Variants in TRIOBP observed in about 807,000 individuals in gnomAD.
TRIOBP encodes the protein TRIO and F-actin binding protein, also known as TRIO and F-actin-binding protein.
In TRIOBP, 169 loss-of-function variants were observed where a neutral mutation model predicts 238.8. That is an observed-to-expected ratio of 0.71 (90% confidence interval 0.62 to 0.80). The LOEUF is 0.80. Ranked by LOEUF, TRIOBP falls within the 30% of genes least tolerant of loss-of-function variation. TRIOBP has a pLI of 0.00. For synonymous variants in TRIOBP, 1,150 were observed against 1,274.4 expected, an observed-to-expected ratio of 0.90 and a Z score of 2.08; for missense variants, 2,838 against 3,122.6, an observed-to-expected ratio of 0.91 and a Z score of 2.17.
chr22:37,711,390 C>T (rs1466208581), intron 4 of TRIOBP, among the ~76,000 whole-genome samples: 6 of 151,894 alleles, frequency 4.0e-5, no homozygotes, highest in African/African-American at 1.5e-4. Flanking sequence ...ACCAGCCTGA[C>T]CAACATGGCG....
At chr22:37,747,369 TC>T (rs1190479549) in intron 11 of TRIOBP, among the ~76,000 whole-genome samples, 1 of 151,954 alleles carries the variant, frequency 6.6e-6, no homozygotes, top group African/African-American at 2.4e-5. Flanking sequence ...CCAGTGGCCC[TC>T]CTGGGGGAGG....
chr22:37,759,048 G>C, intron 16 of TRIOBP, 106 bp from the exon 17 acceptor site: 2 of 938,550 alleles, frequency 2.1e-6, no homozygotes, highest in East Asian at 2.6e-5. Context: ...TTCCAGGGAC[G>C]CTGGGCTTGT....
At chr22:37,763,941 C>G (rs1285174621) in intron 17 of TRIOBP, among the ~76,000 whole-genome samples, 1 of 152,270 alleles carries the variant, frequency 6.6e-6, no homozygotes, top group African/African-American at 2.4e-5. Flanking sequence ...CCGTCCGCGT[C>G]CCTTGGCTCT....
chr22:37,717,515 C>T (rs867631286), intron 6 of TRIOBP, among the ~76,000 whole-genome samples: 4 of 152,160 alleles, frequency 2.6e-5, no homozygotes, highest in Admixed American at 1.3e-4. Context: ...AATCCCTGAG[C>T]TTGACACAAA....
At chr22:37,757,538 G>T in intron 15 of TRIOBP, 75 bp from the exon 16 acceptor site, 1 of 1,529,580 alleles carries the variant, frequency 6.5e-7, no homozygotes, top group South Asian at 1.2e-5. Flanking sequence ...TGGCACACAG[G>T]TGTCGCTCCA....
At chr22:37,756,748 TG>T (rs1218687564) in intron 15 of TRIOBP, among the ~76,000 whole-genome samples, 1 of 152,204 alleles carries the variant, frequency 6.6e-6, no homozygotes, top group African/African-American at 2.4e-5. Context: ...GTGGGAATAC[TG>T]CGAGTGTAGT....
chr22:37,710,125 G>A (rs990997164), intron 3 of TRIOBP, among the ~76,000 whole-genome samples: 4 of 152,246 alleles, frequency 2.6e-5, no homozygotes, highest in South Asian at 4.1e-4. Context: ...ACACGCATGC[G>A]CAAGAGCTCG....
chr22:37,701,850 G>A (rs1362429315), intron 3 of TRIOBP, among the ~76,000 whole-genome samples: 1 of 152,206 alleles, frequency 6.6e-6, no homozygotes, highest in Non-Finnish European at 1.5e-5. Flanking sequence ...GGTAGAGGCT[G>A]GGCACGGTGG....
rs145772004 is a variant in TRIOBP, at chr22:37,706,161, A to C, written c.115-4266A>C. ...CTCCTGTAATTTCTTCAGGCAGGGT[A>C]CTTGGGTTGGGAGGTCTGTTTGGAG... On this transcript the variant is annotated intron_variant, in intron 3 of 23. Transcript: ENST00000644935. Among the ~76,000 whole-genome samples, 163 of 152,128 alleles carry C rather than the reference A, an allele frequency of 1.1e-3. 1 individual carries two copies. The highest frequency in any genetic ancestry group is 3.9e-3 in the African/African-American group (161 of 41,510).
At chr22:37,704,446 A>ACAGAACAGAACAGAACAGAACAG (rs1569031527) in intron 3 of TRIOBP, among the ~76,000 whole-genome samples, 12 of 82,570 alleles carry the variant, frequency 1.5e-4, no homozygotes, top group Admixed American at 3.9e-4. Flanking sequence ...ACAGTACAGA[A>ACAGAACAGAACAGAACAGAACAG]AACAGGGAGA....
intron 7 of TRIOBP, among the ~76,000 whole-genome samples, chr22:37,728,824 T>C (rs1395039194): frequency 1.3e-5 from 2 of 152,214 alleles, no homozygotes; most frequent in African/African-American, 2.4e-5. Flanking sequence ...CTCTTGGTGA[T>C]GTACAGCCTA....
At chr22:37,727,486 G>A (rs1174232864) in intron 7 of TRIOBP, among the ~76,000 whole-genome samples, 1 of 151,908 alleles carries the variant, frequency 6.6e-6, no homozygotes, top group Non-Finnish European at 1.5e-5. Context: ...GGCTAACACG[G>A]TGAAACCCCA....
chr22:37,739,726 G>A (rs899056727), intron 10 of TRIOBP, among the ~76,000 whole-genome samples: 27 of 152,192 alleles, frequency 1.8e-4, no homozygotes, highest in Non-Finnish European at 3.7e-4. Flanking sequence ...GGCGGGGACA[G>A]GGGACACTGG....
intron 3 of TRIOBP, among the ~76,000 whole-genome samples, chr22:37,706,514 G>A (rs2145815073): frequency 6.6e-6 from 1 of 152,278 alleles, no homozygotes; most frequent in African/African-American, 2.4e-5. Context: ...GAGGGGGCCA[G>A]GCACAATGGC....
intron 15 of TRIOBP, among the ~76,000 whole-genome samples, chr22:37,756,557 C>T (rs975449910): frequency 1.3e-5 from 2 of 152,198 alleles, no homozygotes; most frequent in African/African-American, 2.4e-5. Context: ...AGCATCTAGG[C>T]CCAGCTGCTT....
intron 4 of TRIOBP, among the ~76,000 whole-genome samples, chr22:37,711,831 G>A (rs1923265280): frequency 6.6e-6 from 1 of 152,114 alleles, no homozygotes; most frequent in South Asian, 2.1e-4. Context: ...TTATCATCGT[G>A]TAGGCCAGTC....
intron 11 of TRIOBP, among the ~76,000 whole-genome samples, chr22:37,742,797 T>C (rs1185665945): frequency 2.0e-5 from 3 of 152,220 alleles, no homozygotes; most frequent in Non-Finnish European, 2.9e-5. Context: ...CCAGCACTTA[T>C]TGTATGCCTA....
intron 12 of TRIOBP, among the ~76,000 whole-genome samples, chr22:37,754,387 C>T (rs1381615035): frequency 7.1e-6 from 1 of 141,132 alleles, no homozygotes; most frequent in African/African-American, 2.7e-5. Context: ...GCACTCCAGC[C>T]TGGGCAACAA....
chr22:37,738,851 G>A (rs1000259168), intron 10 of TRIOBP, 132 bp downstream of exon 10: 3 of 948,542 alleles, frequency 3.2e-6, no homozygotes, highest in Non-Finnish European at 5.0e-6. Flanking sequence ...GGTCATCTAT[G>A]TGCATGGTGG....
Sources: gnomAD v4.1 joint callset for allele counts (sites outside exome capture counted in the v4.1 genomes callset) on GRCh38, gnomAD v4.1.1 for gene constraint, MANE v1.5 for transcripts, NCBI Gene and HGNC (gene_info 2026-07-23, HGNC 2026-07-21) for gene names.